Variants in PSME4 observed in about 807,000 individuals in gnomAD.
The protein encoded by PSME4 is proteasome activator complex subunit 4.
In PSME4, 89 loss-of-function variants were observed where a neutral mutation model predicts 253.9. The ratio of observed to expected loss-of-function variants is 0.35; its 90% confidence interval spans 0.30 to 0.42. PSME4 has a LOEUF of 0.42. Ranked by LOEUF, PSME4 falls within the 10% of genes least tolerant of loss-of-function variation. The pLI is 1.00. For synonymous variants in PSME4, 851 were observed against 759.2 expected (o/e 1.12, Z -1.99); for missense variants, 2,014 against 2,195.2 (o/e 0.92, Z 1.65).
chr2:53,899,839 A>G (rs780799918), intron 29 of PSME4, 42 bp downstream of exon 29: 2 of 1,600,032 alleles, frequency 1.2e-6, no homozygotes, highest in East Asian at 4.5e-5. Flanking sequence ...AAAACTTACT[A>G]TCTATAATGT....
rs574976575 is a variant in PSME4 at position 53,924,713 on chromosome 2, T to C, written c.1809+826A>G. Among the ~76,000 whole-genome samples, 42 of 152,306 alleles carry C rather than the reference T, an allele frequency of 2.8e-4. No individual in the cohort carries two copies. In the South Asian group the frequency reaches 8.1e-3, roughly 29 times the overall value. On this transcript the variant is annotated intron_variant, in intron 14 of 46. Transcript: ENST00000404125. ...TATGTATACATGTGCCATGTTCCTG[T>C]GCTGCACCCATTAACTCGTCACTTA...
At chr2:53,926,707 C>T (rs805347) in intron 12 of PSME4, among the ~76,000 whole-genome samples, 44,087 of 151,262 alleles carry the variant, frequency 0.29, 6,832 homozygotes, top group South Asian at 0.48. Flanking sequence ...GGTACAGTGG[C>T]TCACATCTGT....
intron 8 of PSME4, among the ~76,000 whole-genome samples, chr2:53,933,816 C>A (rs1384537931): frequency 6.6e-6 from 1 of 152,234 alleles, no homozygotes; most frequent in Non-Finnish European, 1.5e-5. Context: ...TTTCAACTCA[C>A]TGCATATGTA....
chr2:53,948,770 G>C (rs879279026), intron 2 of PSME4, among the ~76,000 whole-genome samples: 4 of 152,154 alleles, frequency 2.6e-5, no homozygotes, highest in Non-Finnish European at 4.4e-5. Flanking sequence ...TTAAATTTGT[G>C]TCGCCATTAT....
At chr2:53,898,859 AAC>A (rs1266882401) in intron 29 of PSME4, among the ~76,000 whole-genome samples, 1 of 152,164 alleles carries the variant, frequency 6.6e-6, no homozygotes, top group Admixed American at 6.5e-5. Context: ...AGAATCCAAA[AAC>A]AGTTTATTAA....
chr2:53,916,241 CAAAAA>C (rs10685516), intron 20 of PSME4, among the ~76,000 whole-genome samples: 2 of 104,666 alleles, frequency 1.9e-5, no homozygotes, highest in African/African-American at 4.0e-5. Context: ...GACTCTGTCT[CAAAAA>C]AAAAAAAAAA....
At chr2:53,905,061 GCT>G (rs1037070562) in intron 26 of PSME4, among the ~76,000 whole-genome samples, 6 of 139,034 alleles carry the variant, frequency 4.3e-5, no homozygotes, top group African/African-American at 1.6e-4. Context: ...TTTTTTTCCT[GCT>G]CTGTCACCCA....
At chr2:53,935,230 C>G (rs1241559554) in intron 7 of PSME4, among the ~76,000 whole-genome samples, 1 of 152,138 alleles carries the variant, frequency 6.6e-6, no homozygotes, top group Non-Finnish European at 1.5e-5. Flanking sequence ...AATCACTTAA[C>G]AATTATAATA....
chr2:53,940,156 G>T (rs1394156006), intron 3 of PSME4, among the ~76,000 whole-genome samples, 156 bp from the exon 4 acceptor site: 1 of 151,936 alleles, frequency 6.6e-6, no homozygotes, highest in Non-Finnish European at 1.5e-5. Context: ...GGAACTGCAA[G>T]GATTAACTAC....
chr2:53,927,522 T>G, intron 11 of PSME4, 39 bp from the exon 12 acceptor site: 1 of 1,359,840 alleles, frequency 7.4e-7, no homozygotes. Flanking sequence ...ATTACATAAT[T>G]CTAATTCAGA....
rs1361162398 is a variant in PSME4, at chr2:53,949,163, G to A, written c.363C>T (p.Arg121=). Residue 121 remains arginine, a synonymous_variant, in exon 2 of 47, where the codon CGC becomes CGT. Transcript: ENST00000404125. ...CTTACTTTAACAAGTTGATCAAAAG[G>A]CGGGCAAATCCCTGCATCATGCTGA... is the stretch of plus-strand genomic sequence containing the variant. The part of the protein sequence containing the change: ...LEISMMQGFA[R]LLINLLKKKE... 4 of 1,599,788 alleles carry A rather than the reference G, an allele frequency of 2.5e-6. No homozygotes were observed. Among genetic ancestry groups the A allele is most frequent in the African/African-American group, 1.3e-5 (1 of 74,452 alleles).
chr2:53,967,433 T>G (rs150579311), intron 1 of PSME4, among the ~76,000 whole-genome samples: 71 of 151,768 alleles, frequency 4.7e-4, no homozygotes, highest in African/African-American at 1.6e-3. Flanking sequence ...ACAGATCACC[T>G]GGGTTCGAGA....
At position 53,926,012 on chromosome 2, in the gene PSME4, T is replaced by G; in HGVS notation, c.1605A>C (p.Glu535Asp). ...ERNDLTEVER[E>D]LCSATAEFED... The stretch of plus-strand genomic sequence containing the variant: ...CAAATTCAGCTGTGGCTGAACAAAG[T>G]TCTCGTTCCACCTATAATATCCCAA... The change falls in exon 13 of 47, where the codon GAA (glutamate) becomes GAC (aspartate). Residue 535 changes from glutamate (E) to aspartate (D), a missense_variant. By Grantham distance (45) the Glu-to-Asp change is conservative. Coordinates refer to ENST00000404125, the MANE Select transcript of PSME4 (RefSeq NM_014614.3). 6.2e-7 allele frequency: 1 copy of G among 1,612,940 alleles called. No homozygotes were observed. Among genetic ancestry groups the G allele is most frequent in the Non-Finnish European group, 8.5e-7 (1 of 1,178,916 alleles).
At chr2:53,956,487 G>A (rs940391126) in intron 1 of PSME4, among the ~76,000 whole-genome samples, 9 of 151,794 alleles carry the variant, frequency 5.9e-5, no homozygotes, top group Admixed American at 4.6e-4. Flanking sequence ...CCGAGATCAC[G>A]CCACTGCACT....
In PSME4 at chr2:53,865,346, C is replaced by G. The variant is rs1678516183; in HGVS notation, c.*232G>C. ...GAGACTTTGTGACTTTGTCAGATGCCTCAAAAAAAAAAAGTGATCAGTATT... is the reference window on the plus strand; with the variant it reads ...GAGACTTTGTGACTTTGTCAGATGCGTCAAAAAAAAAAAGTGATCAGTATT... On this transcript the variant is annotated 3_prime_UTR_variant, in exon 47 of 47. Transcript: ENST00000404125. 1 of 137,024 alleles carries G rather than the reference C, an allele frequency of 7.3e-6. No individual in the cohort carries two copies. The highest frequency in any genetic ancestry group is 1.6e-5 in the Non-Finnish European group (1 of 61,586). 8.5% of individuals were successfully genotyped at this position (137,024 alleles called of 1,614,324 possible).
intron 41 of PSME4, chr2:53,881,436 A>C (rs1679386229): frequency 2.6e-5 from 4 of 152,204 alleles, no homozygotes. Flanking sequence ...GATTAGTAAA[A>C]TAATAAGTAT....
chr2:53,965,281 C>G (rs1043340449), intron 1 of PSME4, among the ~76,000 whole-genome samples: 4 of 150,748 alleles, frequency 2.7e-5, no homozygotes, highest in Non-Finnish European at 5.9e-5. Flanking sequence ...AAGAGTCTCC[C>G]TCTGTCGCCT....
intron 41 of PSME4, among the ~76,000 whole-genome samples, chr2:53,877,200 G>T (rs1679174167): frequency 7.0e-6 from 1 of 142,952 alleles, no homozygotes; most frequent in African/African-American, 2.7e-5. Flanking sequence ...AAGTTGGAGG[G>T]ATTCTCATGA....
chr2:53,889,402 T>C (rs962349105), intron 37 of PSME4, among the ~76,000 whole-genome samples: 2 of 152,158 alleles, frequency 1.3e-5, no homozygotes, highest in Non-Finnish European at 2.9e-5. Flanking sequence ...ATAGCTGTTA[T>C]ACTGTATTGT....
Sources: gnomAD v4.1 joint callset for allele counts (sites outside exome capture counted in the v4.1 genomes callset) on GRCh38, gnomAD v4.1.1 for gene constraint, MANE v1.5 for transcripts, NCBI Gene and HGNC (gene_info 2026-07-23, HGNC 2026-07-21) for gene names.